Variants in PPP2R2B observed in about 807,000 individuals in gnomAD.
The protein encoded by PPP2R2B is serine/threonine-protein phosphatase 2A 55 kDa regulatory subunit B beta isoform.
PPP2R2B carries 5 observed loss-of-function variants against 46.0 expected under a neutral mutation model. The observed-to-expected ratio is 0.11, with a 90% CI of 0.06 to 0.23. The LOEUF (loss-of-function observed/expected upper bound fraction) is 0.23, where lower values mean the gene tolerates loss of function less well. Among genes scored for constraint, PPP2R2B ranks in the 10% least tolerant of loss-of-function variants. The pLI, the probability that PPP2R2B is intolerant of heterozygous loss-of-function variation, is 1.00. For synonymous variants in PPP2R2B, 215 were observed against 206.7 expected (o/e 1.04, Z -0.34); for missense variants, 367 against 575.0 (o/e 0.64, Z 3.70).
intron 1 of PPP2R2B, among the ~76,000 whole-genome samples, chr5:146,997,932 A>G (rs757654763): frequency 8.5e-5 from 13 of 152,210 alleles, no homozygotes; most frequent in Non-Finnish European, 2.9e-5. Context: ...AAAGCAATGC[A>G]AAGTTTGATT....
At chr5:147,046,157 A>G (rs1207603989) in intron 1 of PPP2R2B, among the ~76,000 whole-genome samples, 1 of 152,090 alleles carries the variant, frequency 6.6e-6, no homozygotes, top group Non-Finnish European at 1.5e-5. Context: ...CATAATAGAG[A>G]TGTTCTTTAT....
At chr5:146,917,269 T>C (rs1763424346) in intron 1 of PPP2R2B, among the ~76,000 whole-genome samples, 1 of 152,180 alleles carries the variant, frequency 6.6e-6, no homozygotes, top group Non-Finnish European at 1.5e-5. Flanking sequence ...TATAAAGCCT[T>C]TGCCAGGCCC....
intron 7 of PPP2R2B, among the ~76,000 whole-genome samples, chr5:146,625,253 G>C (rs1348277413): frequency 6.6e-6 from 1 of 152,066 alleles, no homozygotes; most frequent in Non-Finnish European, 1.5e-5. Flanking sequence ...GTGGTGCCTA[G>C]GAATGCGATT....
intron 2 of PPP2R2B, among the ~76,000 whole-genome samples, chr5:146,756,022 T>C (rs1753810585): frequency 6.6e-6 from 1 of 152,196 alleles, no homozygotes; most frequent in Non-Finnish European, 1.5e-5. Flanking sequence ...CATTTGCATA[T>C]CTCTGACCCT....
intron 2 of PPP2R2B, among the ~76,000 whole-genome samples, chr5:146,832,744 A>G (rs2151354345): frequency 6.6e-6 from 1 of 152,226 alleles, no homozygotes; most frequent in East Asian, 1.9e-4. Context: ...GTTGAGATAC[A>G]CAAATGCTTA....
At chr5:146,992,967 G>C (rs1580767687) in intron 1 of PPP2R2B, among the ~76,000 whole-genome samples, 2 of 152,020 alleles carry the variant, frequency 1.3e-5, no homozygotes, top group South Asian at 4.1e-4. Flanking sequence ...TTTTTAGATG[G>C]AGTCTTGCTC....
chr5:146,843,974 G>A (rs1342975804), intron 2 of PPP2R2B, among the ~76,000 whole-genome samples: 1 of 151,884 alleles, frequency 6.6e-6, no homozygotes, highest in Non-Finnish European at 1.5e-5. Flanking sequence ...CCAGTAATGG[G>A]ATGGCTGGGT....
chr5:146,960,236 T>C (rs1250811410), intron 1 of PPP2R2B, among the ~76,000 whole-genome samples: 2 of 152,162 alleles, frequency 1.3e-5, no homozygotes, highest in African/African-American at 4.8e-5. Flanking sequence ...TTTTTTCTGC[T>C]ACAAAAGGCA....
At chr5:147,062,753 A>G (rs1337307580) in intron 2 of PPP2R2B, among the ~76,000 whole-genome samples, 3 of 151,960 alleles carry the variant, frequency 2.0e-5, no homozygotes, top group Non-Finnish European at 4.4e-5. Flanking sequence ...GTATTTGATT[A>G]GGGCTGGGCA....
At chr5:146,856,462 T>A in intron 2 of PPP2R2B, 1 of 1,469,876 alleles carries the variant, frequency 6.8e-7, no homozygotes, top group Non-Finnish European at 9.5e-7. Flanking sequence ...ACTGCTACTT[T>A]ATCAAGAAGA....
intron 1 of PPP2R2B, among the ~76,000 whole-genome samples, chr5:147,054,884 A>C (rs983117767): frequency 6.6e-5 from 10 of 152,240 alleles, no homozygotes; most frequent in African/African-American, 2.4e-4. Flanking sequence ...AAACACAGGC[A>C]CATCACATAT....
At chr5:146,623,639 C>T (rs1330270789) in intron 7 of PPP2R2B, among the ~76,000 whole-genome samples, 3 of 152,300 alleles carry the variant, frequency 2.0e-5, no homozygotes, top group African/African-American at 7.2e-5. Flanking sequence ...TGCTATTTGA[C>T]CCTGGGATTA....
intron 1 of PPP2R2B, among the ~76,000 whole-genome samples, chr5:146,907,342 A>G (rs1055103225): frequency 3.9e-5 from 6 of 152,244 alleles, no homozygotes; most frequent in African/African-American, 1.2e-4. Flanking sequence ...GCTCAGCTCA[A>G]GCAGCTCTTC....
chr5:146,902,239 A>G (rs1762858690), intron 1 of PPP2R2B, among the ~76,000 whole-genome samples: 1 of 152,004 alleles, frequency 6.6e-6, no homozygotes, highest in African/African-American at 2.4e-5. Flanking sequence ...AACTCTGTCA[A>G]AATACTTCCT....
intron 5 of PPP2R2B, among the ~76,000 whole-genome samples, chr5:146,652,521 T>C (rs1470856225): frequency 6.6e-6 from 1 of 152,126 alleles, no homozygotes; most frequent in Non-Finnish European, 1.5e-5. Context: ...TTTAACCTGC[T>C]CAGGGAGAAC....
chr5:146,589,652 A>C lies in PPP2R2B; in HGVS notation c.*295T>G. ...CAGACACCTAGGAACAAAACACTGG[A>C]CCCACCAGAGAAAACTGGGCAATAA... is the stretch of plus-strand genomic sequence containing the variant. On this transcript the variant is annotated 3_prime_UTR_variant, in exon 10 of 10. Coordinates refer to ENST00000394411, the MANE Select transcript of PPP2R2B (RefSeq NM_181675.4). 1 of 361,510 alleles carries C rather than the reference A, an allele frequency of 2.8e-6. No individual in the cohort carries two copies. Among genetic ancestry groups the C allele is most frequent in the Non-Finnish European group, 5.0e-6 (1 of 198,760 alleles). 22.4% of individuals were successfully genotyped at this position (361,510 alleles called of 1,614,324 possible). A position where few individuals can be genotyped will look rare whatever the true frequency, so the allele number is the denominator to read the frequency against.
upstream of PPP2R2B, among the ~76,000 whole-genome samples, chr5:147,060,522 G>T (rs183730835): frequency 6.6e-6 from 1 of 152,238 alleles, no homozygotes; most frequent in Admixed American, 6.5e-5. Context: ...CTGCCACTTG[G>T]GGGGCTGAAG....
chr5:146,770,148 G>C (rs900681163), intron 2 of PPP2R2B, among the ~76,000 whole-genome samples: 2 of 151,814 alleles, frequency 1.3e-5, no homozygotes, highest in Non-Finnish European at 2.9e-5. Context: ...GGCCAACACT[G>C]TGAAACCCCG....
chr5:147,015,976 T>C (rs1165420256), intron 1 of PPP2R2B, among the ~76,000 whole-genome samples: 1 of 151,486 alleles, frequency 6.6e-6, no homozygotes, highest in East Asian at 2.1e-4. Flanking sequence ...ATGTCTTAAT[T>C]TGTCTCTACA....
Sources: allele counts gnomAD v4.1 joint callset (sites outside exome capture counted in the v4.1 genomes callset), GRCh38; gene constraint gnomAD v4.1.1; transcripts MANE v1.5; gene names NCBI Gene and HGNC (gene_info 2026-07-23, HGNC 2026-07-21).